FAM131C: variants seen among roughly 807,000 people sequenced by gnomAD.
The protein encoded by FAM131C is family with sequence similarity 131 member C.
A neutral mutation model predicts 29.8 loss-of-function variants in FAM131C; 14 were observed. That is an observed-to-expected ratio of 0.47 (90% CI 0.31 to 0.73). The LOEUF (loss-of-function observed/expected upper bound fraction) is 0.73, where lower values mean the gene tolerates loss of function less well. FAM131C is among the 30% of genes least tolerant of loss of function. The pLI, the probability that FAM131C is intolerant of heterozygous loss-of-function variation, is 0.05. For missense variants in FAM131C, 252 were observed against 383.8 expected (o/e 0.66, Z 2.87); for synonymous variants, 86 against 157.8 (o/e 0.54, Z 3.41).
chr1:16,071,571 C>G (rs1379376780), intron 1 of FAM131C, among the ~76,000 whole-genome samples: 1 of 152,206 alleles, frequency 6.6e-6, no homozygotes, highest in Non-Finnish European at 1.5e-5. Flanking sequence ...CCTTTCACCT[C>G]AACCCAACTT....
intron 1 of FAM131C, among the ~76,000 whole-genome samples, chr1:16,072,212 C>T (rs1463036301): frequency 6.6e-6 from 1 of 152,230 alleles, no homozygotes; most frequent in African/African-American, 2.4e-5. Context: ...AGGAACCCCA[C>T]ACAGCCTGAC....
rs527262062 is a variant in FAM131C at position 16,058,384 on chromosome 1, C to T, written c.*53G>A. 2.8e-6 allele frequency: 4 copies of T among 1,414,312 alleles called. No individual in the cohort carries two copies. In the African/African-American group the frequency reaches 4.4e-5, roughly 15 times the overall value. The allele number at this position is 1,414,312 out of a possible 1,614,324, so 87.6% of individuals were successfully genotyped here. ...CGGGGTCCAGATATGCCTGGGCTGC[C>T]CACCAGGCGAGGTCATGGTGAGAGC... is the stretch of plus-strand genomic sequence containing the variant. On this transcript the variant is annotated 3_prime_UTR_variant, in exon 7 of 7. Coordinates refer to ENST00000375662, the MANE Select transcript of FAM131C (RefSeq NM_182623.3).
intron 1 of FAM131C, among the ~76,000 whole-genome samples, chr1:16,065,595 A>C (rs1395430206): frequency 2.6e-5 from 4 of 152,098 alleles, no homozygotes; most frequent in African/African-American, 9.7e-5. Context: ...GCCCTAGGTA[A>C]ATTTCTGTTG....
At chr1:16,067,266 C>T (rs1457666891) in intron 1 of FAM131C, among the ~76,000 whole-genome samples, 2 of 152,198 alleles carry the variant, frequency 1.3e-5, no homozygotes, top group Non-Finnish European at 2.9e-5. Flanking sequence ...GGTAATGAAC[C>T]AGCCCAGGGT....
intron 6 of FAM131C, among the ~76,000 whole-genome samples, chr1:16,059,192 T>C (rs2023547819): frequency 1.4e-5 from 2 of 146,450 alleles, no homozygotes. Context: ...ATTTGTAAAA[T>C]GGGGACAACA....
intron 1 of FAM131C, among the ~76,000 whole-genome samples, chr1:16,068,753 A>G (rs1178036994): frequency 1.3e-5 from 2 of 152,132 alleles, no homozygotes; most frequent in Non-Finnish European, 2.9e-5. Context: ...GCTCCTCCCC[A>G]GGACTTCCAC....
intron 1 of FAM131C, among the ~76,000 whole-genome samples, chr1:16,072,074 C>T (rs2023757060): frequency 6.6e-6 from 1 of 152,226 alleles, no homozygotes; most frequent in Non-Finnish European, 1.5e-5. Context: ...CTTCCCCTCC[C>T]GCTAGGCTGC....
chr1:16,063,405 G>C (rs982566239), intron 2 of FAM131C, 116 bp downstream of exon 2: 13 of 801,954 alleles, frequency 1.6e-5, no homozygotes, highest in Non-Finnish European at 2.5e-5. Flanking sequence ...GTCCCACAGG[G>C]AGAAGCGGGT....
chr1:16,062,058 G>C, intron 4 of FAM131C, 41 bp downstream of exon 4: 1 of 1,596,226 alleles, frequency 6.3e-7, no homozygotes, highest in Non-Finnish European at 8.6e-7. Flanking sequence ...GGGTGGGACC[G>C]TGCATTCTCC....
At chr1:16,060,571 A>C (rs2023579227) in intron 4 of FAM131C, among the ~76,000 whole-genome samples, 1 of 151,546 alleles carries the variant, frequency 6.6e-6, no homozygotes, top group African/African-American at 2.4e-5. Flanking sequence ...GGCTTCCTGG[A>C]AGAGGGGACC....
chr1:16,061,738 C>T (rs1412638037), intron 4 of FAM131C, among the ~76,000 whole-genome samples: 1 of 151,878 alleles, frequency 6.6e-6, no homozygotes, highest in Non-Finnish European at 1.5e-5. Context: ...AGGGCCATTC[C>T]CCAGGGAATC....
chr1:16,059,715 A>C (rs371855216), intron 5 of FAM131C, 111 bp from the exon 6 acceptor site: 13,969 of 653,188 alleles, frequency 0.021, 181 homozygotes, highest in Middle Eastern at 0.11. Flanking sequence ...TGGGCTGCCA[A>C]TCCACACCCC....
At chr1:16,058,831 T>C in intron 6 of FAM131C, 114 bp from the exon 7 acceptor site, 1 of 1,152,268 alleles carries the variant, frequency 8.7e-7, no homozygotes, top group Non-Finnish European at 1.2e-6. Context: ...TCCAGCTATG[T>C]GACGGCCGAG....
At chr1:16,066,129 C>T (rs192049159) in intron 1 of FAM131C, among the ~76,000 whole-genome samples, 8 of 152,272 alleles carry the variant, frequency 5.3e-5, no homozygotes, top group East Asian at 1.9e-4. Context: ...TCAGGCGATC[C>T]GCCTGCCTCG....
In FAM131C at chr1:16,062,480, G is replaced by A. The variant is rs1301136325; in HGVS notation, c.174+19C>T. 2.5e-6 allele frequency: 4 copies of A among 1,583,622 alleles called. No homozygotes were observed. The highest frequency in any genetic ancestry group is 3.4e-6 in the Non-Finnish European group (4 of 1,165,188). ...GTCAGCTGGGGCCGGCTAGAATGGG[G>A]ACACACAAGTGCACTGACCTGCCAA... On this transcript the variant is annotated intron_variant, in intron 3 of 6. Coordinates refer to ENST00000375662, the MANE Select transcript of FAM131C (RefSeq NM_182623.3).
At chr1:16,061,931 C>A (rs2023599699) in intron 4 of FAM131C, among the ~76,000 whole-genome samples, 168 bp downstream of exon 4, 1 of 151,252 alleles carries the variant, frequency 6.6e-6, no homozygotes, top group Admixed American at 6.6e-5. Flanking sequence ...AGCCACTGGT[C>A]CCCCCGTGAC....
intron 1 of FAM131C, among the ~76,000 whole-genome samples, chr1:16,066,531 T>C (rs533459544): frequency 2.6e-5 from 4 of 152,326 alleles, no homozygotes; most frequent in African/African-American, 9.6e-5. Context: ...GGCCATGTTG[T>C]CCAGGCCCTT....
rs756825362 is a variant in FAM131C, at chr1:16,058,537, G to A, written c.743C>T (p.Pro248Leu). The change falls in exon 7 of 7, where the codon CCC becomes CTC. Residue 248 changes from proline to leucine, a missense_variant. This residue lies in a region of FAM131C where 42 missense variants were observed against 51.7 expected (regional missense o/e 0.81). Coordinates refer to ENST00000375662, the MANE Select transcript of FAM131C (RefSeq NM_182623.3). ...SPELQHRRRL[P>L]GAQGPEGGTH... ...CCCACCCTCGGGTCCTTGGGCCCCG[G>A]GCAGCCGCCGCCGATGCTGCAGCTC... 3.0e-5 allele frequency: 45 copies of A among 1,524,978 alleles called. No individual in the cohort carries two copies. The highest frequency in any genetic ancestry group is 2.3e-4 in the Middle Eastern group (1 of 4,270). 94.5% of individuals were successfully genotyped at this position (1,524,978 alleles called of 1,614,324 possible).
Position 16,059,892 on chromosome 1 carries a change from A to C in FAM131C, c.428T>G (p.Leu143Arg). The part of the protein sequence containing the change: ...DEHYCCLPDE[L>R]REARFAAGVA... Reference sequence around the variant, plus strand: ...ACCTGCAGCAAAGCGGGCCTCACGCAGCTCATCCGGGAGGCAGCAGTAATG... The same window carrying C: ...ACCTGCAGCAAAGCGGGCCTCACGCCGCTCATCCGGGAGGCAGCAGTAATG... The change falls in exon 5 of 7, where the codon CTG becomes CGG. Residue 143 changes from leucine to arginine, a missense_variant. Around this residue, in one of 6 missense-constraint regions of FAM131C, gnomAD observed 38 missense variants for 32.7 expected, o/e 1.16. Transcript: ENST00000375662. 3.1e-6 allele frequency: 4 copies of C among 1,283,626 alleles called. No individual in the cohort carries two copies. Among genetic ancestry groups the C allele is most frequent in the Non-Finnish European group, 4.0e-6 (4 of 995,010 alleles). 79.5% of individuals were successfully genotyped at this position (1,283,626 alleles called of 1,614,324 possible). A position where few individuals can be genotyped will look rare whatever the true frequency, so the allele number is the denominator to read the frequency against.
Sources: allele counts gnomAD v4.1 joint callset (sites outside exome capture counted in the v4.1 genomes callset), GRCh38; gene constraint gnomAD v4.1.1; regional missense constraint gnomAD v4.1.1; transcripts MANE v1.5; gene names NCBI Gene and HGNC (gene_info 2026-07-23, HGNC 2026-07-21).